Variants in TIAM2 observed in about 807,000 individuals in gnomAD.
TIAM2 encodes TIAM Rac1 associated GEF 2.
TIAM2 carries 80 observed loss-of-function variants against 152.9 expected under a neutral mutation model. The observed-to-expected ratio is 0.52, with a 90% CI of 0.44 to 0.63. TIAM2 has a LOEUF of 0.63. TIAM2 is among the 30% of genes least tolerant of loss of function. TIAM2 has a pLI of 0.00. For missense variants in TIAM2, 1,965 were observed against 2,120.1 expected (o/e 0.93, Z 1.44); for synonymous variants, 804 against 838.0 (o/e 0.96, Z 0.70).
chr6:155,031,689 A>G (rs1227711693), intron 1 of TIAM2, among the ~76,000 whole-genome samples: 1 of 152,158 alleles, frequency 6.6e-6, no homozygotes, highest in African/African-American at 2.4e-5. Flanking sequence ...ACACCATTGC[A>G]CTCCAGCCTG....
At chr6:155,052,592 C>T (rs1175459531) in intron 1 of TIAM2, among the ~76,000 whole-genome samples, 1 of 151,946 alleles carries the variant, frequency 6.6e-6, no homozygotes, top group East Asian at 1.9e-4. Context: ...ATGGTGAAAC[C>T]CTGTCACTAC....
At chr6:155,132,604 A>G (rs1458365278) in intron 4 of TIAM2, among the ~76,000 whole-genome samples, 1 of 152,122 alleles carries the variant, frequency 6.6e-6, no homozygotes, top group Admixed American at 6.6e-5. Flanking sequence ...CTCAGCTCCC[A>G]TTTCCTAAAC....
intron 2 of TIAM2, among the ~76,000 whole-genome samples, chr6:155,118,682 G>T (rs1029277469): frequency 6.6e-6 from 1 of 151,968 alleles, no homozygotes; most frequent in Non-Finnish European, 1.5e-5. Flanking sequence ...TGATCTGCCT[G>T]CCTTGGCCTC....
At chr6:155,217,468 G>T (rs1156539922) in intron 15 of TIAM2, among the ~76,000 whole-genome samples, 2 of 152,302 alleles carry the variant, frequency 1.3e-5, no homozygotes, top group East Asian at 3.9e-4. Context: ...GGAATAATTT[G>T]AATATAGCAA....
intron 9 of TIAM2, 152 bp downstream of exon 9, chr6:155,165,561 A>C: frequency 1.8e-6 from 2 of 1,110,796 alleles, no homozygotes; most frequent in Non-Finnish European, 2.5e-6. Context: ...GCACACTGGG[A>C]GGGCAAGGCA....
intron 1 of TIAM2, among the ~76,000 whole-genome samples, chr6:155,026,772 G>A (rs1434334993): frequency 6.6e-6 from 1 of 152,224 alleles, no homozygotes; most frequent in African/African-American, 2.4e-5. Context: ...CTCACCTTTG[G>A]TTAGGGACTT....
intron 1 of TIAM2, among the ~76,000 whole-genome samples, chr6:155,071,505 G>A (rs1777837023): frequency 6.6e-6 from 1 of 152,220 alleles, no homozygotes; most frequent in Admixed American, 6.5e-5. Flanking sequence ...ATTGAACAGA[G>A]CTCAGGCCCT....
intron 1 of TIAM2, among the ~76,000 whole-genome samples, chr6:154,999,026 C>G (rs73577391): frequency 0.022 from 3,365 of 152,096 alleles, 115 homozygotes; most frequent in African/African-American, 0.075. Context: ...TGAACAAACC[C>G]GATGACAACT....
At chr6:155,253,710 T>C (rs1284781101) in intron 24 of TIAM2, 1 of 364,608 alleles carries the variant, frequency 2.7e-6, no homozygotes, top group Non-Finnish European at 4.9e-6. Flanking sequence ...GAATCTCCTC[T>C]TCCCCAGAGA....
intron 1 of TIAM2, among the ~76,000 whole-genome samples, chr6:155,043,839 A>T (rs1777100813): frequency 1.3e-5 from 2 of 151,878 alleles, no homozygotes; most frequent in South Asian, 4.2e-4. Flanking sequence ...CGGGGACTTG[A>T]CCCTCAATCT....
chr6:155,227,927 G>C (rs553799368), intron 15 of TIAM2, among the ~76,000 whole-genome samples: 1 of 152,198 alleles, frequency 6.6e-6, no homozygotes, highest in Admixed American at 6.5e-5. Context: ...ATTATTTTCT[G>C]AGCATCTTAG....
chr6:155,067,586 C>T (rs1014043185), intron 1 of TIAM2, among the ~76,000 whole-genome samples: 5 of 152,004 alleles, frequency 3.3e-5, no homozygotes, highest in Admixed American at 1.3e-4. Context: ...TTCCCTTTCC[C>T]CTGTTGTCTG....
chr6:155,204,023 C>A (rs1781540434), intron 14 of TIAM2, among the ~76,000 whole-genome samples: 1 of 152,082 alleles, frequency 6.6e-6, no homozygotes, highest in Non-Finnish European at 1.5e-5. Context: ...CATAATGATT[C>A]CAGGGATGGT....
At chr6:155,064,379 C>G (rs932207417) in intron 1 of TIAM2, among the ~76,000 whole-genome samples, 4 of 152,184 alleles carry the variant, frequency 2.6e-5, no homozygotes, top group African/African-American at 9.7e-5. Flanking sequence ...AGCACACAAT[C>G]TCATAAACGT....
intron 1 of TIAM2, among the ~76,000 whole-genome samples, chr6:155,053,515 A>G (rs1194253744): frequency 7.2e-6 from 1 of 139,202 alleles, no homozygotes; most frequent in Non-Finnish European, 1.5e-5. Context: ...CCCGTCGTCC[A>G]GGCTGGAGTG....
chr6:155,254,413 A>T lies in TIAM2; in HGVS notation c.4314-6A>T. On this transcript the variant is annotated splice_polypyrimidine_tract_variant and splice_region_variant and intron_variant, in intron 25 of 26. Coordinates refer to ENST00000682666, the MANE Select transcript of TIAM2 (RefSeq NM_012454.4). ...CTTCTGCTGTTTTCTCTCCCCCCCC[A>T]CCCAGTGACAGTGAAAGCAAAACCA... is the stretch of plus-strand genomic sequence containing the variant. 2 of 1,609,396 alleles carry T rather than the reference A, an allele frequency of 1.2e-6. No homozygotes were observed. Among genetic ancestry groups the T allele is most frequent in the Non-Finnish European group, 1.7e-6 (2 of 1,176,378 alleles).
chr6:155,188,186 G>A (rs953920511), intron 14 of TIAM2, among the ~76,000 whole-genome samples: 6 of 152,180 alleles, frequency 3.9e-5, no homozygotes, highest in South Asian at 2.1e-4. Context: ...TTCCTCGTGC[G>A]CTCAGAATGC....
At chr6:155,121,513 G>T (rs1779149420) in intron 2 of TIAM2, among the ~76,000 whole-genome samples, 1 of 152,158 alleles carries the variant, frequency 6.6e-6, no homozygotes, top group Non-Finnish European at 1.5e-5. Context: ...CAGAAGCAGG[G>T]CTTAACCCGA....
chr6:155,067,239 G>A (rs1332819982), intron 1 of TIAM2, among the ~76,000 whole-genome samples: 3 of 152,046 alleles, frequency 2.0e-5, no homozygotes, highest in Non-Finnish European at 4.4e-5. Flanking sequence ...TTTCATTGGT[G>A]GGCTGTGGAG....
Sources: allele counts gnomAD v4.1 joint callset (sites outside exome capture counted in the v4.1 genomes callset), GRCh38; gene constraint gnomAD v4.1.1; transcripts MANE v1.5; gene names NCBI Gene and HGNC (gene_info 2026-07-23, HGNC 2026-07-21).